The following DIAPH2 variants were observed in gnomAD, a reference collection of about 807,000 sequenced individuals.
The protein encoded by DIAPH2 is protein diaphanous homolog 2.
Under a neutral mutation model 92.7 loss-of-function variants are expected in DIAPH2, and 35 were observed. The observed-to-expected ratio is 0.38, with a 90% CI of 0.29 to 0.50. The LOEUF (loss-of-function observed/expected upper bound fraction) is 0.50, where lower values mean the gene tolerates loss of function less well. DIAPH2 is among the 20% of genes least tolerant of loss of function. The pLI is 0.94. For synonymous variants in DIAPH2, 301 were observed against 280.4 expected (o/e 1.07, Z -0.73); for missense variants, 701 against 819.5 (o/e 0.86, Z 1.77).
intron 4 of DIAPH2, among the ~76,000 whole-genome samples, chrX:96,845,094 A>G (rs1182981518): frequency 8.9e-6 from 1 of 112,052 alleles, no homozygotes; most frequent in Non-Finnish European, 1.9e-5. Context: ...CCTTATAGAA[A>G]GATTTTGTCT....
At position 96,749,785 on chromosome X, in the gene DIAPH2, C is replaced by T. The variant is rs745397988; in HGVS notation, c.343-8369C>T. Among the ~76,000 whole-genome samples, 7 of 111,036 alleles carry T rather than the reference C, an allele frequency of 6.3e-5. No homozygotes were observed. The South Asian group carries it at 2.7e-3, about 43-fold the overall frequency. On this transcript the variant is annotated intron_variant, in intron 3 of 26. Transcript: ENST00000324765. The stretch of plus-strand genomic sequence containing the variant: ...TTCTTCTACATTATTAATGTGTAGA[C>T]CCTCATCCTCATGTTTGTGTACTCA...
chrX:97,143,289 G>GTA (rs750633216), intron 22 of DIAPH2, among the ~76,000 whole-genome samples: 59 of 108,638 alleles, frequency 5.4e-4, no homozygotes, highest in Middle Eastern at 5.0e-3. Flanking sequence ...AATTTGAAAT[G>GTA]TATATATATA....
intron 23 of DIAPH2, among the ~76,000 whole-genome samples, chrX:97,255,943 G>A (rs1165370326): frequency 1.8e-5 from 2 of 111,858 alleles, no homozygotes; most frequent in Non-Finnish European, 3.8e-5. Context: ...GACATTTGGT[G>A]CATGATGCTA....
chrX:97,060,776 C>T (rs2066591967), intron 17 of DIAPH2, among the ~76,000 whole-genome samples: 1 of 112,011 alleles, frequency 8.9e-6, no homozygotes, highest in Non-Finnish European at 1.9e-5. Flanking sequence ...TATGAATGCT[C>T]TACAGCACTG....
intron 5 of DIAPH2, among the ~76,000 whole-genome samples, chrX:96,905,868 G>A (rs906391285): frequency 6.2e-5 from 7 of 112,276 alleles, no homozygotes; most frequent in South Asian, 3.7e-4. Context: ...GGTGGCTCAC[G>A]CCTGTAATCC....
intron 23 of DIAPH2, among the ~76,000 whole-genome samples, chrX:97,294,790 G>C (rs767610814): frequency 9.0e-6 from 1 of 111,478 alleles, no homozygotes; most frequent in Non-Finnish European, 1.9e-5. Flanking sequence ...TAATATTTAC[G>C]GAGTTCCAGG....
chrX:97,138,052 A>C (rs1274902304), intron 21 of DIAPH2, among the ~76,000 whole-genome samples: 4 of 111,864 alleles, frequency 3.6e-5, no homozygotes, highest in African/African-American at 1.3e-4. Flanking sequence ...AAATAGGCTT[A>C]CATCTCATCA....
chrX:97,554,585 G>A (rs2071244281), intron 26 of DIAPH2, among the ~76,000 whole-genome samples: 1 of 111,788 alleles, frequency 8.9e-6, no homozygotes, highest in Admixed American at 9.5e-5. Flanking sequence ...ACTCACATTA[G>A]TCTAGAAGCT....
intron 4 of DIAPH2, among the ~76,000 whole-genome samples, chrX:96,816,219 C>T (rs778202248): frequency 9.0e-6 from 1 of 111,574 alleles, no homozygotes; most frequent in African/African-American, 3.3e-5. Context: ...TTTCTTTATC[C>T]ACTCATCCAT....
chrX:97,466,342 A>C (rs765397321), intron 26 of DIAPH2, among the ~76,000 whole-genome samples: 4 of 112,018 alleles, frequency 3.6e-5, no homozygotes, highest in Non-Finnish European at 7.5e-5. Context: ...TAGGTTGTTT[A>C]AAAAATCATT....
intron 22 of DIAPH2, among the ~76,000 whole-genome samples, chrX:97,145,407 AT>A (rs1351178439): frequency 1.3e-4 from 14 of 109,530 alleles, no homozygotes; most frequent in Non-Finnish European, 2.1e-4. Flanking sequence ...ATCATAAAAT[AT>A]CTTATAGTTC....
intron 20 of DIAPH2, among the ~76,000 whole-genome samples, chrX:97,106,420 T>C (rs1569302520): frequency 9.0e-6 from 1 of 111,731 alleles, no homozygotes; most frequent in Non-Finnish European, 1.9e-5. Flanking sequence ...ACTAACTTCT[T>C]ATAATCATTT....
At position 97,137,299 on chromosome X, in the gene DIAPH2, A is replaced by ATATG. The variant is rs1555989245; in HGVS notation, c.2590-4362_2590-4359dup. ...TATATATATATATATATATATATAT[A>ATATG]TATGTATAGAATTAAATTTAGGAGT... On this transcript the variant is annotated intron_variant, in intron 21 of 26. Transcript: ENST00000324765. Among the ~76,000 whole-genome samples the ATATG allele has an allele frequency of 5.2e-5, 5 of 95,957 alleles. No homozygotes were observed. The South Asian group carries it at 2.0e-3, about 38-fold the overall frequency. 83.3% of individuals were successfully genotyped at this position (95,957 alleles called of 115,157 possible).
Position 97,396,576 on chromosome X carries a change from G to A in DIAPH2, c.3145+12532G>A, listed in dbSNP as rs749962019. 4.0e-3 allele frequency among the ~76,000 whole-genome samples: 450 copies of A among 111,162 alleles called. 7 individuals are homozygous for A. Among genetic ancestry groups the A allele is most frequent in the African/African-American group, 0.014 (428 of 30,561 alleles). On this transcript the variant is annotated intron_variant, in intron 25 of 26. Coordinates refer to ENST00000324765, the MANE Select transcript of DIAPH2 (RefSeq NM_006729.5). ...AATCCCAGCTACTCGAGAGGCTGAG[G>A]CAGGAGAATTGCTTGAACCCGGGTA...
At chrX:97,349,177 C>A (rs1026436099) in intron 24 of DIAPH2, among the ~76,000 whole-genome samples, 4 of 107,044 alleles carry the variant, frequency 3.7e-5, no homozygotes, top group African/African-American at 1.4e-4. Flanking sequence ...CAACCTCTGC[C>A]TCCCAGGTTC....
chrX:96,712,175 T>C (rs1324315996), intron 1 of DIAPH2, among the ~76,000 whole-genome samples: 2 of 111,347 alleles, frequency 1.8e-5, no homozygotes, highest in African/African-American at 3.3e-5. Context: ...TTCTCCCCAG[T>C]TGTGTTTCAT....
intron 23 of DIAPH2, among the ~76,000 whole-genome samples, chrX:97,280,165 A>C (rs149511017): frequency 0.016 from 1,733 of 111,274 alleles, 42 homozygotes; most frequent in African/African-American, 0.053. Flanking sequence ...AAGGACCGGC[A>C]TGGAGACATT....
intron 17 of DIAPH2, among the ~76,000 whole-genome samples, chrX:97,006,951 T>A (rs2066187073): frequency 1.8e-5 from 2 of 111,519 alleles, no homozygotes; most frequent in African/African-American, 6.5e-5. Flanking sequence ...ATGTTGTTTA[T>A]TTGAGGTTGT....
intron 22 of DIAPH2, among the ~76,000 whole-genome samples, chrX:97,237,203 T>G (rs1041832962): frequency 1.8e-5 from 2 of 112,243 alleles, no homozygotes; most frequent in Non-Finnish European, 3.8e-5. Context: ...TTTTACTAAT[T>G]TATTTTAAGC....
Sources: allele counts gnomAD v4.1 joint callset (sites outside exome capture counted in the v4.1 genomes callset), GRCh38; gene constraint gnomAD v4.1.1; transcripts MANE v1.5; gene names NCBI Gene and HGNC (gene_info 2026-07-23, HGNC 2026-07-21).